TBC1D31: variants seen among roughly 807,000 people sequenced by gnomAD.
TBC1D31 encodes WD repeat domain 67.
A neutral mutation model predicts 132.9 loss-of-function variants in TBC1D31; 99 were observed. The observed-to-expected ratio is 0.74, with a 90% CI of 0.63 to 0.88. The LOEUF is 0.88. Among genes scored for constraint, TBC1D31 ranks in the 40% least tolerant of loss-of-function variants. TBC1D31 has a pLI of 0.00. For synonymous variants in TBC1D31, 385 were observed against 419.4 expected (o/e 0.92, Z 1.00); for missense variants, 1,134 against 1,256.6 (o/e 0.90, Z 1.48).
chr8:123,131,363 CAAAA>C (rs59929988), intron 16 of TBC1D31, among the ~76,000 whole-genome samples: 1 of 64,910 alleles, frequency 1.5e-5, no homozygotes, highest in South Asian at 6.7e-4. Flanking sequence ...GACTCAGTCT[CAAAA>C]AAAAAAAAAA....
chr8:123,112,814 G>A (rs977643191), intron 10 of TBC1D31, among the ~76,000 whole-genome samples: 1 of 152,190 alleles, frequency 6.6e-6, no homozygotes, highest in Non-Finnish European at 1.5e-5. Context: ...TTTGTTAAGA[G>A]ATGACTTAGA....
At chr8:123,096,247 G>C (rs1816823989) in intron 5 of TBC1D31, among the ~76,000 whole-genome samples, 1 of 152,002 alleles carries the variant, frequency 6.6e-6, no homozygotes, top group South Asian at 2.1e-4. Context: ...CTGTCACCTG[G>C]CCTACGCCTC....
At chr8:123,128,945 A>C (rs1316668567) in intron 14 of TBC1D31, 121 bp from the exon 15 acceptor site, 21 of 646,396 alleles carry the variant, frequency 3.2e-5, no homozygotes, top group Non-Finnish European at 4.9e-5. Flanking sequence ...AGAAATATTA[A>C]AGATAGTTAA....
At chr8:123,103,053 A>G (rs994386479) in intron 7 of TBC1D31, 1 of 152,248 alleles carries the variant, frequency 6.6e-6, no homozygotes, top group Non-Finnish European at 1.5e-5. Context: ...ACACACATAT[A>G]TGTATTGATT....
chr8:123,117,474 A>G (rs985726489), intron 10 of TBC1D31, among the ~76,000 whole-genome samples: 1 of 151,338 alleles, frequency 6.6e-6, no homozygotes, highest in African/African-American at 2.4e-5. Context: ...TCACTAGTAC[A>G]CCAGGCGTGG....
chr8:123,084,497 C>T (rs562201292), intron 4 of TBC1D31, among the ~76,000 whole-genome samples, 157 bp downstream of exon 4: 21 of 152,192 alleles, frequency 1.4e-4, no homozygotes, highest in Non-Finnish European at 3.1e-4. Flanking sequence ...AAGATGTTGC[C>T]TATAGCTACA....
At chr8:123,132,194 C>G (rs1325732257) in intron 16 of TBC1D31, among the ~76,000 whole-genome samples, 1 of 152,078 alleles carries the variant, frequency 6.6e-6, no homozygotes, top group Non-Finnish European at 1.5e-5. Flanking sequence ...CCAACTAGGC[C>G]TAGTTCTCAC....
At chr8:123,110,959 C>A (rs1013691578) in intron 10 of TBC1D31, among the ~76,000 whole-genome samples, 1 of 152,082 alleles carries the variant, frequency 6.6e-6, no homozygotes, top group Admixed American at 6.6e-5. Context: ...GAAACCAGAT[C>A]GTTTAACCCA....
intron 17 of TBC1D31, among the ~76,000 whole-genome samples, chr8:123,135,671 C>T (rs1821024915): frequency 6.6e-6 from 1 of 152,154 alleles, no homozygotes; most frequent in Admixed American, 6.5e-5. Flanking sequence ...TGTTTGATAT[C>T]CACATTAGGT....
the TBC1D31 span, among the ~76,000 whole-genome samples, chr8:123,158,018 CT>C: frequency 0.11 from 13,069 of 117,558 alleles, 489 homozygotes; most frequent in African/African-American, 0.16. Flanking sequence ...TTTTTTCTTC[CT>C]TTTTTTTTTT....
At chr8:123,130,072 C>T in intron 15 of TBC1D31, 126 bp from the exon 16 acceptor site, 1 of 977,198 alleles carries the variant, frequency 1.0e-6, no homozygotes, top group East Asian at 2.7e-5. Context: ...GCAGTTCTCG[C>T]ATTCTTCTTT....
chr8:123,126,287 G>A, intron 12 of TBC1D31, 98 bp downstream of exon 12: 1 of 1,394,098 alleles, frequency 7.2e-7, no homozygotes, highest in Non-Finnish European at 9.7e-7. Context: ...ATAATAAAAA[G>A]CATACTACAT....
At chr8:123,088,078 A>C (rs1473586653) in intron 4 of TBC1D31, among the ~76,000 whole-genome samples, 1 of 152,150 alleles carries the variant, frequency 6.6e-6, no homozygotes, top group Non-Finnish European at 1.5e-5. Context: ...AATCCCAGCT[A>C]CTGGGGAGGC....
intron 4 of TBC1D31, among the ~76,000 whole-genome samples, chr8:123,084,738 A>G (rs556886233): frequency 2.2e-4 from 33 of 151,272 alleles, no homozygotes; most frequent in African/African-American, 7.3e-4. Flanking sequence ...TCTACTTTAC[A>G]TGGTACCATA....
At chr8:123,134,729 G>A (rs185061265) in intron 17 of TBC1D31, among the ~76,000 whole-genome samples, 2 of 152,232 alleles carry the variant, frequency 1.3e-5, no homozygotes, top group East Asian at 3.9e-4. Flanking sequence ...GCTTAGTCTA[G>A]TGTCTGAAGC....
In TBC1D31 at chr8:123,152,147, T is replaced by C; in HGVS notation, c.*208T>C. 2.3e-6 allele frequency: 1 copy of C among 428,914 alleles called. No homozygotes were observed. Among genetic ancestry groups the C allele is most frequent in the South Asian group, 8.9e-5 (1 of 11,218 alleles). The allele number at this position is 428,914 out of a possible 1,614,324, so 26.6% of individuals were successfully genotyped here. On this transcript the variant is annotated 3_prime_UTR_variant, in exon 22 of 22. Transcript: ENST00000287380. ...TTTACAATAAAAATGTTTTAGAAAC[T>C]GTTAAAGCTGTGTTAAGCTTTCAGG... is the stretch of plus-strand genomic sequence containing the variant.
chr8:123,145,625 AG>A (rs1333388565), intron 20 of TBC1D31, among the ~76,000 whole-genome samples: 1 of 151,736 alleles, frequency 6.6e-6, no homozygotes, highest in Non-Finnish European at 1.5e-5. Flanking sequence ...CAGGAGTTTG[AG>A]GCTGCAGTGA....
intron 10 of TBC1D31, among the ~76,000 whole-genome samples, chr8:123,112,757 A>G (rs964037127): frequency 6.6e-6 from 1 of 152,206 alleles, no homozygotes. Flanking sequence ...TCAAAGGGTA[A>G]ATACATAATA....
At position 123,134,229 on chromosome 8, in the gene TBC1D31, A is replaced by C. The variant is rs993977602; in HGVS notation, c.2499+23A>C. 14 of 1,604,432 alleles carry C rather than the reference A, an allele frequency of 8.7e-6. No homozygotes were observed. The African/African-American group carries it at 1.9e-4, about 21-fold the overall frequency. Reference sequence around the variant, plus strand: ...AAGGTATAATTCAGTTATTTCCAACATAAGAAAAGCAGGTTTTGGCCAGGC... The same window carrying C: ...AAGGTATAATTCAGTTATTTCCAACCTAAGAAAAGCAGGTTTTGGCCAGGC... On this transcript the variant is annotated intron_variant, in intron 17 of 21. Coordinates refer to ENST00000287380, the MANE Select transcript of TBC1D31 (RefSeq NM_145647.4).
Sources: gnomAD v4.1 joint callset for allele counts (sites outside exome capture counted in the v4.1 genomes callset) on GRCh38, gnomAD v4.1.1 for gene constraint, MANE v1.5 for transcripts, NCBI Gene and HGNC (gene_info 2026-07-23, HGNC 2026-07-21) for gene names.